Variants in IFT88 observed in about 807,000 individuals in gnomAD.
The protein encoded by IFT88 is intraflagellar transport protein 88 homolog.
IFT88 carries 74 observed loss-of-function variants against 119.5 expected under a neutral mutation model. That is an observed-to-expected ratio of 0.62 (90% CI 0.51 to 0.75). The LOEUF (loss-of-function observed/expected upper bound fraction) is 0.75, where lower values mean the gene tolerates loss of function less well. Ranked by LOEUF, IFT88 falls within the 30% of genes least tolerant of loss-of-function variation. IFT88 has a pLI of 0.00. For missense variants in IFT88, 961 were observed against 977.7 expected (o/e 0.98, Z 0.23); for synonymous variants, 279 against 316.7 (o/e 0.88, Z 1.26).
chr13:20,589,668 T>C (rs752918980), intron 3 of IFT88, 143 bp from the exon 4 acceptor site: 7 of 377,060 alleles, frequency 1.9e-5, no homozygotes, highest in Non-Finnish European at 3.3e-5. Context: ...CTCCCTAATA[T>C]TTAAGATAAT....
chr13:20,586,658 TAAA>T (rs1449616175), intron 3 of IFT88, among the ~76,000 whole-genome samples: 1 of 152,130 alleles, frequency 6.6e-6, no homozygotes, highest in Non-Finnish European at 1.5e-5. Flanking sequence ...AGGCAGTAGT[TAAA>T]AAAATAATGG....
chr13:20,606,777 G>A (rs1258203986), intron 13 of IFT88, among the ~76,000 whole-genome samples: 2 of 152,130 alleles, frequency 1.3e-5, no homozygotes, highest in African/African-American at 4.8e-5. Flanking sequence ...TACTCAAGAG[G>A]CTGGGACAGG....
At chr13:20,677,668 A>G (rs1359143673) in intron 24 of IFT88, among the ~76,000 whole-genome samples, 1 of 152,244 alleles carries the variant, frequency 6.6e-6, no homozygotes, top group Non-Finnish European at 1.5e-5. Context: ...GATATAAACA[A>G]ATACTTCCTC....
chr13:20,636,360 T>C (rs1309786800), intron 16 of IFT88, among the ~76,000 whole-genome samples: 1 of 152,196 alleles, frequency 6.6e-6, no homozygotes, highest in African/African-American at 2.4e-5. Context: ...ATGAAGTAAT[T>C]TTATTTTCTA....
chr13:20,646,917 G>T (rs1208170686), intron 20 of IFT88, among the ~76,000 whole-genome samples: 1 of 149,958 alleles, frequency 6.7e-6, no homozygotes, highest in Non-Finnish European at 1.5e-5. Flanking sequence ...CAGTTCTTAG[G>T]TTATTCCAGC....
chr13:20,663,335 C>T, intron 22 of IFT88, 163 bp from the exon 23 acceptor site: 1 of 1,516,964 alleles, frequency 6.6e-7, no homozygotes, highest in Non-Finnish European at 8.8e-7. Flanking sequence ...TCAGTTCTCC[C>T]TGGTCCAGAG....
At chr13:20,638,100 T>G (rs2049301879) in intron 16 of IFT88, among the ~76,000 whole-genome samples, 1 of 152,196 alleles carries the variant, frequency 6.6e-6, no homozygotes. Context: ...ATAAATAGTG[T>G]TGTTATTCTA....
chr13:20,591,609 T>C lies in IFT88; in HGVS notation c.265-9T>C, dbSNP rs369163238. 1.9e-5 allele frequency: 30 copies of C among 1,606,196 alleles called. No homozygotes were observed. In the African/African-American group the frequency reaches 3.5e-4, roughly 19 times the overall value. ...ATTTAAGAATAAATGATTCCCATTC[T>C]CTTTAAAGGATGGAGTTACTAGACC... On this transcript the variant is annotated splice_polypyrimidine_tract_variant and intron_variant, in intron 5 of 25. Transcript: ENST00000351808.
At chr13:20,569,847 T>G (rs1370067198) in intron 1 of IFT88, among the ~76,000 whole-genome samples, 2 of 151,338 alleles carry the variant, frequency 1.3e-5, no homozygotes, top group African/African-American at 4.9e-5. Flanking sequence ...GCTAATACGG[T>G]GAAACCCCAT....
chr13:20,687,981 G>A (rs964328816), intron 24 of IFT88, among the ~76,000 whole-genome samples: 1 of 152,222 alleles, frequency 6.6e-6, no homozygotes, highest in Non-Finnish European at 1.5e-5. Flanking sequence ...TCGGATCAAA[G>A]AATCCCTGTC....
chr13:20,666,834 A>G (rs1354911615), intron 23 of IFT88, among the ~76,000 whole-genome samples: 1 of 152,236 alleles, frequency 6.6e-6, no homozygotes, highest in African/African-American at 2.4e-5. Flanking sequence ...AAAAAGTGAA[A>G]ATCACCTATC....
chr13:20,621,526 T>TTAAAAAAA (rs1476682272), intron 14 of IFT88, among the ~76,000 whole-genome samples: 3 of 130,746 alleles, frequency 2.3e-5, no homozygotes, highest in Non-Finnish European at 3.2e-5. Context: ...CCTGCTGAGA[T>TTAAAAAAA]AAAAAAAAAA....
intron 22 of IFT88, among the ~76,000 whole-genome samples, chr13:20,658,523 C>G (rs1212795865): frequency 6.6e-6 from 1 of 152,166 alleles, no homozygotes; most frequent in Admixed American, 6.5e-5. Flanking sequence ...CATTAGAGAA[C>G]TAGTGCTTTA....
At chr13:20,686,275 TTTCTC>T (rs2057907787) in intron 24 of IFT88, among the ~76,000 whole-genome samples, 1 of 152,246 alleles carries the variant, frequency 6.6e-6, no homozygotes, top group African/African-American at 2.4e-5. Context: ...CCTTTTTACT[TTTCTC>T]TAAGCAAAAT....
intron 22 of IFT88, among the ~76,000 whole-genome samples, chr13:20,660,033 T>C (rs2053530711): frequency 6.6e-6 from 1 of 152,210 alleles, no homozygotes; most frequent in Non-Finnish European, 1.5e-5. Context: ...GCACTGTGGA[T>C]GTAGCAGAAA....
chr13:20,579,492 A>G (rs1252313580), intron 2 of IFT88, among the ~76,000 whole-genome samples: 1 of 152,156 alleles, frequency 6.6e-6, no homozygotes, highest in Non-Finnish European at 1.5e-5. Context: ...CCCAAGGGCT[A>G]TTCCTTCAGG....
rs747599243 is a variant in IFT88 at position 20,598,770 on chromosome 13, A to G, written c.697+17A>G. ...GCAATGCAGGTAAGTGTACATAATC[A>G]GTTTTTCCAATAGATGTAATTCTTT... On this transcript the variant is annotated intron_variant, in intron 10 of 25. Coordinates refer to ENST00000351808, the MANE Select transcript of IFT88 (RefSeq NM_006531.5). 55 of 1,415,438 alleles carry G rather than the reference A, an allele frequency of 3.9e-5. No individual in the cohort carries two copies. The highest frequency in any genetic ancestry group is 5.3e-5 in the Non-Finnish European group (53 of 1,005,052). 87.7% of individuals were successfully genotyped at this position (1,415,438 alleles called of 1,614,324 possible).
intron 24 of IFT88, among the ~76,000 whole-genome samples, chr13:20,683,860 G>A (rs2057597686): frequency 6.6e-6 from 1 of 152,156 alleles, no homozygotes; most frequent in South Asian, 2.1e-4. Context: ...TCCTGGCTCT[G>A]CTTTCCAGGG....
At chr13:20,650,309 T>C (rs1300410882) in intron 20 of IFT88, among the ~76,000 whole-genome samples, 1 of 152,096 alleles carries the variant, frequency 6.6e-6, no homozygotes, top group Non-Finnish European at 1.5e-5. Context: ...AATGCAAAGA[T>C]AGTTCAACAT....
Sources: allele counts gnomAD v4.1 joint callset (sites outside exome capture counted in the v4.1 genomes callset), GRCh38; gene constraint gnomAD v4.1.1; transcripts MANE v1.5; gene names NCBI Gene and HGNC (gene_info 2026-07-23, HGNC 2026-07-21).